The following TRAM2 variants were observed in gnomAD, a reference collection of about 807,000 sequenced individuals.
TRAM2 encodes the protein translocating chain-associated membrane protein 2.
Under a neutral mutation model 51.0 loss-of-function variants are expected in TRAM2, and 12 were observed. The observed-to-expected ratio is 0.24, with a 90% CI of 0.15 to 0.38. TRAM2 has a LOEUF of 0.38. Ranked by LOEUF, TRAM2 falls within the 10% of genes least tolerant of loss-of-function variation. The probability of loss-of-function intolerance (pLI) is 1.00; values close to 1 mark genes in which losing one functional copy is unlikely to be tolerated. For missense variants in TRAM2, 361 were observed against 462.0 expected, an observed-to-expected ratio of 0.78 and a Z score of 2.00; for synonymous variants, 175 against 179.4, an observed-to-expected ratio of 0.98 and a Z score of 0.20.
chr6:52,568,286 T>C (rs1767623513), intron 1 of TRAM2, among the ~76,000 whole-genome samples: 1 of 152,188 alleles, frequency 6.6e-6, no homozygotes, highest in African/African-American at 2.4e-5. Context: ...TTTTAAAAAA[T>C]CAACTACCAC....
chr6:52,569,034 A>G (rs1397628076), intron 1 of TRAM2, among the ~76,000 whole-genome samples: 1 of 152,208 alleles, frequency 6.6e-6, no homozygotes, highest in Non-Finnish European at 1.5e-5. Flanking sequence ...CATATGGAAG[A>G]GTTCTCCTAA....
intron 2 of TRAM2, among the ~76,000 whole-genome samples, chr6:52,533,016 G>A (rs954235399): frequency 2.2e-4 from 32 of 142,980 alleles, no homozygotes; most frequent in South Asian, 1.1e-3. Flanking sequence ...TACTATATAT[G>A]ATTTCACTTA....
intron 1 of TRAM2, among the ~76,000 whole-genome samples, chr6:52,537,133 T>A (rs1331288686): frequency 1.3e-5 from 2 of 152,182 alleles, no homozygotes; most frequent in Non-Finnish European, 2.9e-5. Flanking sequence ...TGGGTGTCAT[T>A]TACTCTGTAC....
chr6:52,526,414 TTG>T (rs1158698494), intron 2 of TRAM2, among the ~76,000 whole-genome samples: 1 of 152,166 alleles, frequency 6.6e-6, no homozygotes, highest in Admixed American at 6.5e-5. Context: ...CTTTTTGTTT[TTG>T]TTTTTTTTGG....
At chr6:52,537,496 T>C (rs1032971929) in intron 1 of TRAM2, among the ~76,000 whole-genome samples, 7 of 152,020 alleles carry the variant, frequency 4.6e-5, no homozygotes, top group Non-Finnish European at 8.8e-5. Flanking sequence ...CACACACAGC[T>C]CTCCTGATTA....
chr6:52,510,772 G>C (rs1766437768), intron 4 of TRAM2, among the ~76,000 whole-genome samples: 1 of 152,216 alleles, frequency 6.6e-6, no homozygotes, highest in African/African-American at 2.4e-5. Context: ...AGAATTAATA[G>C]TGTGGTGGGC....
At chr6:52,519,619 A>G (rs778502803) in intron 2 of TRAM2, among the ~76,000 whole-genome samples, 6 of 152,242 alleles carry the variant, frequency 3.9e-5, no homozygotes, top group Non-Finnish European at 8.8e-5. Context: ...CAATTACCAC[A>G]TATTTCAGTA....
intron 3 of TRAM2, 98 bp from the exon 4 acceptor site, chr6:52,516,220 C>A (rs574708781): frequency 2.6e-6 from 3 of 1,137,022 alleles, no homozygotes; most frequent in Non-Finnish European, 3.9e-6. Flanking sequence ...GGTTGAACAT[C>A]GTTAGAAGTT....
intron 1 of TRAM2, among the ~76,000 whole-genome samples, chr6:52,540,913 C>G (rs1410176096): frequency 6.6e-6 from 1 of 152,190 alleles, no homozygotes; most frequent in Non-Finnish European, 1.5e-5. Flanking sequence ...CACATATACA[C>G]AGAGAGAAAG....
At chr6:52,558,332 T>C (rs1291870048) in intron 1 of TRAM2, among the ~76,000 whole-genome samples, 1 of 151,902 alleles carries the variant, frequency 6.6e-6, no homozygotes, top group Non-Finnish European at 1.5e-5. Flanking sequence ...CCATAAGGAG[T>C]ACCTCACCAC....
At chr6:52,541,844 T>C (rs921472475) in intron 1 of TRAM2, among the ~76,000 whole-genome samples, 2 of 148,452 alleles carry the variant, frequency 1.3e-5, no homozygotes, top group African/African-American at 4.9e-5. Flanking sequence ...CATTGGCACT[T>C]GGAAGGGGCT....
chr6:52,517,493 T>C (rs1766573448), intron 2 of TRAM2, among the ~76,000 whole-genome samples: 2 of 152,246 alleles, frequency 1.3e-5, no homozygotes, highest in African/African-American at 4.8e-5. Flanking sequence ...TGGTGGCTTA[T>C]TAAAATACAA....
At chr6:52,507,831 T>C (rs544371633) in intron 6 of TRAM2, among the ~76,000 whole-genome samples, 31 of 152,242 alleles carry the variant, frequency 2.0e-4, no homozygotes, top group Non-Finnish European at 2.8e-4. Flanking sequence ...TCCAGCAGCC[T>C]TGGGTCTAGT....
At position 52,503,298 on chromosome 6, in the gene TRAM2, A is replaced by G. The variant is rs745575058; in HGVS notation, c.1040-28T>C. 6.9e-6 allele frequency: 11 copies of G among 1,600,080 alleles called. No homozygotes were observed. The South Asian group carries it at 7.7e-5, about 11-fold the overall frequency. On this transcript the variant is annotated intron_variant, in intron 10 of 10. Transcript: ENST00000182527. ...GGGAAGTGGAGAGAGACAAGCATAC[A>G]TGGTGTTTCTGCTGGAGCTAAGGCA...
In TRAM2 at chr6:52,536,286, A is replaced by G. The variant is rs773247966; in HGVS notation, c.121-440T>C. Among the ~76,000 whole-genome samples the G allele has an allele frequency of 4.4e-4, 67 of 152,218 alleles. 1 individual carries two copies. Among genetic ancestry groups the G allele is most frequent in the Admixed American group, 9.8e-4 (15 of 15,274 alleles). ...CACTTTGGCTGCCTGTGCATTGGAGAGCAGCCCTGAAAGTCGACACCTGAG... is the reference window on the plus strand; with the variant it reads ...CACTTTGGCTGCCTGTGCATTGGAGGGCAGCCCTGAAAGTCGACACCTGAG... On this transcript the variant is annotated intron_variant, in intron 1 of 10. Coordinates refer to ENST00000182527, the MANE Select transcript of TRAM2 (RefSeq NM_012288.4).
rs773921830 is a variant in TRAM2, at chr6:52,503,196, C to T, written c.*1G>A. On this transcript the variant is annotated 3_prime_UTR_variant, in exon 11 of 11. Transcript: ENST00000182527. Reference sequence around the variant, plus strand: ...GGATTCCTGTTCTTAGCACTTTGGCCTTAGGGAGACTTGAGTTTCTTAGTC... The same window carrying T: ...GGATTCCTGTTCTTAGCACTTTGGCTTTAGGGAGACTTGAGTTTCTTAGTC... 1.4e-5 allele frequency: 22 copies of T among 1,613,570 alleles called. 1 individual carries two copies. In the East Asian group the frequency reaches 4.5e-4, roughly 33 times the overall value.
intron 1 of TRAM2, among the ~76,000 whole-genome samples, chr6:52,545,348 C>G (rs1767180190): frequency 6.6e-6 from 1 of 152,194 alleles, no homozygotes; most frequent in Admixed American, 6.5e-5. Context: ...CCACCCGAGG[C>G]CCATTAAGTA....
At chr6:52,535,270 C>G (rs1766959562) in intron 2 of TRAM2, among the ~76,000 whole-genome samples, 1 of 152,196 alleles carries the variant, frequency 6.6e-6, no homozygotes, top group Non-Finnish European at 1.5e-5. Context: ...CGTGGTGCAG[C>G]AGGTCCTCTT....
At chr6:52,530,861 G>A (rs982583057) in intron 2 of TRAM2, among the ~76,000 whole-genome samples, 1 of 152,152 alleles carries the variant, frequency 6.6e-6, no homozygotes, top group Non-Finnish European at 1.5e-5. Flanking sequence ...CTGGGAAGAC[G>A]AGAAAGGAGT....
Sources: allele counts gnomAD v4.1 joint callset (sites outside exome capture counted in the v4.1 genomes callset), GRCh38; gene constraint gnomAD v4.1.1; transcripts MANE v1.5; gene names NCBI Gene and HGNC (gene_info 2026-07-23, HGNC 2026-07-21).